The following RTTN variants were observed in gnomAD, a reference collection of about 807,000 sequenced individuals.
The protein encoded by RTTN is rotatin.
In RTTN, 182 loss-of-function variants were observed where a neutral mutation model predicts 269.2. That is an observed-to-expected ratio of 0.68 (90% CI 0.60 to 0.76). The LOEUF is 0.76. Among genes scored for constraint, RTTN ranks in the 30% least tolerant of loss-of-function variants. RTTN has a pLI of 0.00. For missense variants in RTTN, 2,545 were observed against 2,608.6 expected (o/e 0.98, Z 0.53); for synonymous variants, 1,006 against 963.5 (o/e 1.04, Z -0.82).
At chr18:70,110,004 C>T (rs1029321297) in intron 27 of RTTN, among the ~76,000 whole-genome samples, 16 of 152,018 alleles carry the variant, frequency 1.1e-4, no homozygotes, top group African/African-American at 3.6e-4. Context: ...GGATTGCTTG[C>T]GGCCAGCTTG....
At chr18:70,189,610 C>T (rs1007603397) in intron 9 of RTTN, among the ~76,000 whole-genome samples, 1 of 152,274 alleles carries the variant, frequency 6.6e-6, no homozygotes, top group Admixed American at 6.5e-5. Flanking sequence ...TCAAAAGAAT[C>T]GTGGTTCAAG....
rs1442413676 is a variant in RTTN at position 70,092,031 on chromosome 18, G to A, written c.4143+79C>T. ...GCCTCCCAACAAGCTGGGATTACAGGCATGAGCCACCGCACCTGGCCCCGT... is the reference window on the plus strand; with the variant it reads ...GCCTCCCAACAAGCTGGGATTACAGACATGAGCCACCGCACCTGGCCCCGT... On this transcript the variant is annotated intron_variant, in intron 30 of 48. Coordinates refer to ENST00000640769, the MANE Select transcript of RTTN (RefSeq NM_173630.4). The A allele has an allele frequency of 2.4e-5, 20 of 818,254 alleles. 1 individual carries two copies. The South Asian group carries it at 2.8e-4, about 11-fold the overall frequency. 50.7% of individuals were successfully genotyped at this position (818,254 alleles called of 1,614,324 possible). A position where few individuals can be genotyped will look rare whatever the true frequency, so the allele number is the denominator to read the frequency against.
In RTTN at chr18:70,128,430, G is replaced by A; in HGVS notation, c.3071C>T (p.Ala1024Val). Residue 1024 changes from alanine to valine, a missense_variant, in exon 24 of 49, where the codon GCT becomes GTT. By Grantham distance (64) the Ala-to-Val change is moderately conservative. Coordinates refer to ENST00000640769, the MANE Select transcript of RTTN (RefSeq NM_173630.4). ...CCCATGATACCATGACAGGTTCCAA[G>A]CTATTCTCAGCATATCTGACACCGG... Reference protein sequence around the residue: ...LKPVSDMLRIAWNLSWYHGSD... With the variant: ...LKPVSDMLRIVWNLSWYHGSD... 6.2e-7 allele frequency: 1 copy of A among 1,613,356 alleles called. No individual in the cohort carries two copies. The highest frequency in any genetic ancestry group is 8.5e-7 in the Non-Finnish European group (1 of 1,179,554).
At chr18:70,060,253 T>A (rs2057941679) in intron 35 of RTTN, among the ~76,000 whole-genome samples, 1 of 152,112 alleles carries the variant, frequency 6.6e-6, no homozygotes, top group African/African-American at 2.4e-5. Context: ...TGGATGTAGA[T>A]GTGTAGATGT....
At position 70,048,740 on chromosome 18, in the gene RTTN, C is replaced by T. The variant is rs559732450; in HGVS notation, c.5324-552G>A. Among the ~76,000 whole-genome samples, 174 of 152,058 alleles carry T rather than the reference C, an allele frequency of 1.1e-3. 2 individuals are homozygous for T. The highest frequency in any genetic ancestry group is 3.4e-3 in the Middle Eastern group (1 of 294). Reference sequence around the variant, plus strand: ...AGTAGGGTTTCATGAGAATTATGTTCATTTAAATGATGTCCAAATATTAGT... The same window carrying T: ...AGTAGGGTTTCATGAGAATTATGTTTATTTAAATGATGTCCAAATATTAGT... On this transcript the variant is annotated intron_variant, in intron 39 of 48. Coordinates refer to ENST00000640769, the MANE Select transcript of RTTN (RefSeq NM_173630.4).
intron 28 of RTTN, among the ~76,000 whole-genome samples, chr18:70,094,857 T>G (rs567588579): frequency 2.2e-4 from 34 of 152,110 alleles, no homozygotes; most frequent in African/African-American, 8.2e-4. Context: ...TTTCTGAATA[T>G]CCTTTTTAAT....
At chr18:70,108,309 T>C (rs1599587197) in intron 28 of RTTN, among the ~76,000 whole-genome samples, 2 of 152,154 alleles carry the variant, frequency 1.3e-5, no homozygotes, top group South Asian at 4.1e-4. Context: ...TTTCACAATT[T>C]ACAATCTTCC....
At chr18:70,090,547 T>A (rs1457104240) in intron 30 of RTTN, among the ~76,000 whole-genome samples, 1 of 152,148 alleles carries the variant, frequency 6.6e-6, no homozygotes, top group Non-Finnish European at 1.5e-5. Flanking sequence ...AGGGTTTGGC[T>A]ACTACTGATC....
At chr18:70,177,229 C>T (rs149566631) in intron 10 of RTTN, among the ~76,000 whole-genome samples, 11 of 152,236 alleles carry the variant, frequency 7.2e-5, no homozygotes, top group African/African-American at 2.2e-4. Context: ...GCTTACTATA[C>T]GCCTAACACA....
chr18:70,196,482 A>C lies in RTTN; in HGVS notation c.841+19T>G, dbSNP rs189347156. 1 of 1,599,298 alleles carries C rather than the reference A, an allele frequency of 6.3e-7. No homozygotes were observed. Among genetic ancestry groups the C allele is most frequent in the Non-Finnish European group, 8.5e-7 (1 of 1,173,600 alleles). ...CTACAAATAACACCAGTGGCTAATG[A>C]ACAGATAAAAATAAATACCGTGTTT... On this transcript the variant is annotated intron_variant, in intron 7 of 48. Coordinates refer to ENST00000640769, the MANE Select transcript of RTTN (RefSeq NM_173630.4).
intron 41 of RTTN, 150 bp from the exon 42 acceptor site, chr18:70,030,259 AG>A (rs1568266115): frequency 1.8e-6 from 1 of 570,482 alleles, no homozygotes; most frequent in Admixed American, 3.4e-5. Context: ...AATGAATCAG[AG>A]GGGGGATAAG....
At chr18:70,193,526 C>T in intron 7 of RTTN, 73 bp from the exon 8 acceptor site, 1 of 1,100,502 alleles carries the variant, frequency 9.1e-7, no homozygotes, top group Non-Finnish European at 1.3e-6. Context: ...ATTTATGTAT[C>T]ATTCTTCCAA....
rs554324003 is a variant in RTTN, at chr18:70,151,967, C to A, written c.1930-1234G>T. ...CTCATTTGCCAAACCCTCTTCAATG[C>A]ACATCAGCAGGACTTAGGTTCCTAC... On this transcript the variant is annotated intron_variant, in intron 14 of 48. Transcript: ENST00000640769. 3.3e-5 allele frequency among the ~76,000 whole-genome samples: 5 copies of A among 152,304 alleles called. 1 individual carries two copies. The highest frequency in any genetic ancestry group is 5.9e-5 in the Non-Finnish European group (4 of 68,028).
intron 28 of RTTN, among the ~76,000 whole-genome samples, chr18:70,099,689 T>A (rs2059104756): frequency 6.6e-6 from 1 of 152,210 alleles, no homozygotes; most frequent in South Asian, 2.1e-4. Flanking sequence ...GCCTAGGTTT[T>A]CTTCTTGGGT....
At chr18:70,146,126 TA>T (rs1463907043) in intron 17 of RTTN, among the ~76,000 whole-genome samples, 1 of 152,062 alleles carries the variant, frequency 6.6e-6, no homozygotes, top group African/African-American at 2.4e-5. Flanking sequence ...TTCTCCACCA[TA>T]AAAAGTATCA....
At chr18:70,184,712 T>TGTGTGTGTG (rs1282660729) in intron 10 of RTTN, among the ~76,000 whole-genome samples, 29 of 55,206 alleles carry the variant, frequency 5.3e-4, no homozygotes, top group African/African-American at 1.4e-3. Flanking sequence ...GGTTTTTTTT[T>TGTGTGTGTG]TTTTTGTGTG....
intron 19 of RTTN, among the ~76,000 whole-genome samples, chr18:70,141,594 C>G (rs1409704037): frequency 1.3e-5 from 2 of 151,884 alleles, no homozygotes; most frequent in South Asian, 2.1e-4. Flanking sequence ...GGACACAGGG[C>G]GGGGAACATC....
At chr18:70,160,010 A>T (rs1005172276) in intron 14 of RTTN, among the ~76,000 whole-genome samples, 4 of 152,152 alleles carry the variant, frequency 2.6e-5, no homozygotes, top group Admixed American at 1.3e-4. Flanking sequence ...CAAATGTAAA[A>T]AGAACTGTTA....
At chr18:70,166,667 A>G in intron 13 of RTTN, 2 of 338,564 alleles carry the variant, frequency 5.9e-6, no homozygotes, top group South Asian at 6.6e-5. Context: ...CCAAAAACAA[A>G]TGTATAAAAA....
Sources: allele counts gnomAD v4.1 joint callset (sites outside exome capture counted in the v4.1 genomes callset), GRCh38; gene constraint gnomAD v4.1.1; transcripts MANE v1.5; gene names NCBI Gene and HGNC (gene_info 2026-07-23, HGNC 2026-07-21).